SLC14A2: variants seen among roughly 807,000 people sequenced by gnomAD.
SLC14A2 encodes urea transporter 2.
In SLC14A2, 91 loss-of-function variants were observed where a neutral mutation model predicts 104.6. That is an observed-to-expected ratio of 0.87 (90% CI 0.73 to 1.04). The LOEUF (loss-of-function observed/expected upper bound fraction) is 1.04. Ranked by LOEUF, SLC14A2 falls within the 50% of genes least tolerant of loss-of-function variation. The probability of loss-of-function intolerance (pLI) is 0.00; values close to 1 mark genes in which losing one functional copy is unlikely to be tolerated. For missense variants in SLC14A2, 1,189 were observed against 1,156.0 expected (o/e 1.03, Z -0.41); for synonymous variants, 476 against 466.4 (o/e 1.02, Z -0.27).
intron 1 of SLC14A2, among the ~76,000 whole-genome samples, chr18:45,410,224 G>A (rs938547486): frequency 7.9e-5 from 12 of 152,134 alleles, no homozygotes; most frequent in Admixed American, 5.9e-4. Flanking sequence ...TCACTTGCCC[G>A]CCGCTCATCT....
intron 2 of SLC14A2, among the ~76,000 whole-genome samples, chr18:45,512,623 T>A (rs1388132459): frequency 6.6e-6 from 1 of 152,168 alleles, no homozygotes; most frequent in Non-Finnish European, 1.5e-5. Flanking sequence ...GACAGCTTGA[T>A]GGTCTTCCAG....
chr18:45,633,548 T>C (rs1025026761), intron 5 of SLC14A2, among the ~76,000 whole-genome samples: 15 of 152,234 alleles, frequency 9.9e-5, no homozygotes, highest in African/African-American at 3.6e-4. Flanking sequence ...AGCAGGTCTA[T>C]CAAGCATCTT....
chr18:45,358,271 G>A (rs2085575483), intron 1 of SLC14A2, among the ~76,000 whole-genome samples: 1 of 152,164 alleles, frequency 6.6e-6, no homozygotes. Flanking sequence ...ATGTGCTTAG[G>A]TGGCCAGTGA....
At chr18:45,666,356 ATTACCTGGG>A in intron 12 of SLC14A2, 137 bp downstream of exon 12, 1 of 602,964 alleles carries the variant, frequency 1.7e-6, no homozygotes, top group Non-Finnish European at 3.0e-6. Context: ...CTGAAATGTA[ATTACCTGGG>A]ACAAAAATGT....
rs1177356606 is a variant in SLC14A2, at chr18:45,236,271, A to ATG, written c.-125+23086_-125+23087dup. On this transcript the variant is annotated intron_variant, in intron 1 of 20. Coordinates refer to the SLC14A2 transcript ENST00000586448. ...TGTATATATGTGTATATATACATGT[A>ATG]TGTGTGTATATGTGTATATATACAT... is the stretch of plus-strand genomic sequence containing the variant. Among the ~76,000 whole-genome samples, 12 of 51,026 alleles carry ATG rather than the reference A, an allele frequency of 2.4e-4. 2 individuals are homozygous for ATG. The South Asian group carries it at 2.7e-3, about 11-fold the overall frequency. 33.5% of individuals were successfully genotyped at this position (51,026 alleles called of 152,430 possible).
At chr18:45,176,692 C>G in the SLC14A2 span, among the ~76,000 whole-genome samples, 1 of 152,212 alleles carries the variant, frequency 6.6e-6, no homozygotes, top group Non-Finnish European at 1.5e-5. Flanking sequence ...CACACCCTCT[C>G]CTGATTTTCT....
At chr18:45,494,752 A>C (rs2043062025) in intron 2 of SLC14A2, among the ~76,000 whole-genome samples, 1 of 151,976 alleles carries the variant, frequency 6.6e-6, no homozygotes, top group South Asian at 2.1e-4. Context: ...TCATTGAGAC[A>C]GTCACTATGC....
intron 10 of SLC14A2, among the ~76,000 whole-genome samples, chr18:45,652,794 G>A (rs2045763302): frequency 1.3e-5 from 2 of 152,136 alleles, no homozygotes; most frequent in Admixed American, 1.3e-4. Context: ...TTGGCCTTCT[G>A]CTTTCCAAGG....
chr18:45,653,194 T>A (rs902877101), intron 10 of SLC14A2, among the ~76,000 whole-genome samples: 1 of 151,944 alleles, frequency 6.6e-6, no homozygotes, highest in African/African-American at 2.4e-5. Context: ...CAGGCCTCCA[T>A]GCAGGCGACC....
intron 2 of SLC14A2, among the ~76,000 whole-genome samples, chr18:45,507,031 T>G (rs2144778433): frequency 6.6e-6 from 1 of 152,188 alleles, no homozygotes; most frequent in East Asian, 1.9e-4. Flanking sequence ...TCCTTTCCTG[T>G]ACATTGAAGG....
chr18:45,330,462 G>A (rs1011086245), intron 1 of SLC14A2, among the ~76,000 whole-genome samples: 15 of 152,194 alleles, frequency 9.9e-5, no homozygotes, highest in African/African-American at 3.6e-4. Flanking sequence ...TGTAAGTGAT[G>A]ATGGTGCATG....
rs1354860276 is a variant in SLC14A2 at position 45,508,295 on chromosome 18, T to G, written c.-35+24973T>G. Among the ~76,000 whole-genome samples the G allele has an allele frequency of 2.6e-5, 4 of 152,234 alleles. No individual in the cohort carries two copies. The East Asian group carries it at 7.7e-4, about 29-fold the overall frequency. On this transcript the variant is annotated intron_variant, in intron 2 of 20. Transcript: ENST00000586448. ...GTTTGATTGTATCCCCATCCAAATC[T>G]CATCTTGAATTCCCATGTGTTGTGG...
chr18:45,582,733 C>T (rs959525129), intron 2 of SLC14A2, among the ~76,000 whole-genome samples: 9 of 152,152 alleles, frequency 5.9e-5, no homozygotes, highest in Non-Finnish European at 1.5e-5. Flanking sequence ...GTGACTTACT[C>T]CTGCTGGCTC....
intron 10 of SLC14A2, among the ~76,000 whole-genome samples, chr18:45,645,024 A>T (rs1357332088): frequency 6.6e-6 from 1 of 151,980 alleles, no homozygotes; most frequent in East Asian, 1.9e-4. Flanking sequence ...CTTGCCTCCC[A>T]TCCCCCAACA....
chr18:45,500,286 C>A (rs143159973), intron 2 of SLC14A2, among the ~76,000 whole-genome samples: 1 of 152,248 alleles, frequency 6.6e-6, no homozygotes, highest in Non-Finnish European at 1.5e-5. Flanking sequence ...GACTTGAAAT[C>A]CTGCCCTTAG....
At chr18:45,405,180 G>A (rs553376827) in intron 1 of SLC14A2, among the ~76,000 whole-genome samples, 24 of 152,286 alleles carry the variant, frequency 1.6e-4, no homozygotes, top group South Asian at 6.2e-4. Flanking sequence ...CAGGAGAGCC[G>A]TCTGAGAATG....
At position 45,412,137 on chromosome 18, in the gene SLC14A2, C is replaced by T. The variant is rs578248250; in HGVS notation, c.-124-71096C>T. On this transcript the variant is annotated intron_variant, in intron 1 of 20. Transcript: ENST00000586448. ...GCATCTCCCACTGCCTCAAGACTTG[C>T]CTGGCATAAGCTGCTGAACAACTGA... is the stretch of plus-strand genomic sequence containing the variant. Among the ~76,000 whole-genome samples, 4 of 152,286 alleles carry T rather than the reference C, an allele frequency of 2.6e-5. No individual in the cohort carries two copies. In the South Asian group the frequency reaches 8.3e-4, roughly 32 times the overall value.
At chr18:45,230,551 T>G (rs1392670463) in intron 1 of SLC14A2, among the ~76,000 whole-genome samples, 1 of 152,150 alleles carries the variant, frequency 6.6e-6, no homozygotes, top group Non-Finnish European at 1.5e-5. Context: ...CCCAGACAAG[T>G]TAATCCAAAA....
chr18:45,645,689 A>G (rs2144570002), intron 10 of SLC14A2, among the ~76,000 whole-genome samples: 1 of 140,524 alleles, frequency 7.1e-6, no homozygotes, highest in East Asian at 2.0e-4. Flanking sequence ...GATAGTAAAT[A>G]TTTTCTGCTG....
Sources: gnomAD v4.1 joint callset for allele counts (sites outside exome capture counted in the v4.1 genomes callset) on GRCh38, gnomAD v4.1.1 for gene constraint, MANE v1.5 for transcripts, NCBI Gene and HGNC (gene_info 2026-07-23, HGNC 2026-07-21) for gene names.